GPC5: variants seen among roughly 807,000 people sequenced by gnomAD.
GPC5 encodes glypican-5.
GPC5 carries 47 observed loss-of-function variants against 53.9 expected under a neutral mutation model. The ratio of observed to expected loss-of-function variants is 0.87; its 90% confidence interval spans 0.69 to 1.11. The LOEUF (loss-of-function observed/expected upper bound fraction) is 1.11, where lower values mean the gene tolerates loss of function less well. Ranked by LOEUF, GPC5 falls within the 50% of genes most tolerant of loss-of-function variation. GPC5 has a pLI of 0.00. For synonymous variants in GPC5, 286 were observed against 263.3 expected (o/e 1.09, Z -0.84); for missense variants, 748 against 713.1 (o/e 1.05, Z -0.56).
chr13:92,857,082 G>A (rs1253764861), intron 7 of GPC5, among the ~76,000 whole-genome samples: 1 of 151,938 alleles, frequency 6.6e-6, no homozygotes, highest in African/African-American at 2.4e-5. Flanking sequence ...AGTATACAAG[G>A]CTACAGTAAC....
chr13:92,159,593 C>CTTTTTTTT (rs71120074), intron 7 of GPC5, among the ~76,000 whole-genome samples: 813 of 57,220 alleles, frequency 0.014, 165 homozygotes, highest in Non-Finnish European at 0.019. Flanking sequence ...TACCAATGTT[C>CTTTTTTTT]TTTTTTTTTT....
chr13:92,172,961 C>A (rs2042081161), intron 7 of GPC5, among the ~76,000 whole-genome samples: 1 of 94,588 alleles, frequency 1.1e-5, no homozygotes, highest in Admixed American at 1.1e-4. Flanking sequence ...TTGACTATAC[C>A]TGTTAACAAT....
intron 7 of GPC5, among the ~76,000 whole-genome samples, chr13:92,474,827 A>C (rs1443302446): frequency 6.6e-6 from 1 of 152,130 alleles, no homozygotes; most frequent in Non-Finnish European, 1.5e-5. Flanking sequence ...ATCTGTTTTA[A>C]CAAAGTGAAG....
At chr13:91,721,063 CCCTTTCTTTCTTTCTTTCTT>C (rs1249789596) in intron 3 of GPC5, among the ~76,000 whole-genome samples, 22 of 147,304 alleles carry the variant, frequency 1.5e-4, no homozygotes, top group Non-Finnish European at 2.2e-4. Flanking sequence ...TTCCTTCCTT[CCCTTTCTTTCTTTCTTTCTT>C]TCTTTCTTTC....
intron 5 of GPC5, among the ~76,000 whole-genome samples, chr13:91,781,800 G>A (rs749786544): frequency 2.3e-4 from 35 of 152,138 alleles, no homozygotes; most frequent in African/African-American, 5.5e-4. Flanking sequence ...TTTAATCTTC[G>A]CAATCTCACT....
intron 5 of GPC5, among the ~76,000 whole-genome samples, chr13:91,771,996 C>A (rs1434745016): frequency 6.6e-6 from 1 of 152,134 alleles, no homozygotes. Flanking sequence ...ACTGTCCTAC[C>A]AGTGGATTGG....
chr13:92,781,785 GCAAA>G (rs1876032143), intron 7 of GPC5, among the ~76,000 whole-genome samples: 1 of 152,094 alleles, frequency 6.6e-6, no homozygotes, highest in African/African-American at 2.4e-5. Flanking sequence ...AAAAATATTT[GCAAA>G]CAGACTGTTC....
chr13:92,645,471 C>T (rs1439917345), intron 7 of GPC5, among the ~76,000 whole-genome samples: 1 of 152,120 alleles, frequency 6.6e-6, no homozygotes, highest in Non-Finnish European at 1.5e-5. Context: ...TTAAATCTAA[C>T]TTTTTTACTT....
At chr13:92,213,543 G>A (rs540161942) in intron 7 of GPC5, among the ~76,000 whole-genome samples, 1 of 152,108 alleles carries the variant, frequency 6.6e-6, no homozygotes, top group Non-Finnish European at 1.5e-5. Flanking sequence ...TTCTGCCTTT[G>A]CCCCTGAAAT....
chr13:92,610,590 A>C (rs539646432), intron 7 of GPC5, among the ~76,000 whole-genome samples: 2 of 152,326 alleles, frequency 1.3e-5, no homozygotes, highest in Admixed American at 1.3e-4. Context: ...AATTAAGATT[A>C]ATCTCTTTAT....
At chr13:92,740,147 G>C (rs556618637) in intron 7 of GPC5, among the ~76,000 whole-genome samples, 18 of 152,046 alleles carry the variant, frequency 1.2e-4, no homozygotes, top group Middle Eastern at 3.4e-3. Context: ...GGCATTTGCA[G>C]TTGGTGTACC....
intron 2 of GPC5, among the ~76,000 whole-genome samples, chr13:91,525,075 G>C (rs942313475): frequency 6.6e-6 from 1 of 152,144 alleles, no homozygotes; most frequent in Non-Finnish European, 1.5e-5. Context: ...TAGACACAAT[G>C]TCCTCTTTTG....
At chr13:91,402,242 C>G (rs546574885) in intron 1 of GPC5, among the ~76,000 whole-genome samples, 1 of 152,270 alleles carries the variant, frequency 6.6e-6, no homozygotes, top group South Asian at 2.1e-4. Context: ...AGCAAGTATA[C>G]TCTCGATATC....
chr13:91,442,939 A>G (rs1362109385), intron 1 of GPC5, among the ~76,000 whole-genome samples: 1 of 152,192 alleles, frequency 6.6e-6, no homozygotes, highest in African/African-American at 2.4e-5. Flanking sequence ...TCATATCCAA[A>G]AGGAAGGATA....
intron 7 of GPC5, among the ~76,000 whole-genome samples, chr13:92,512,230 TTGTA>T (rs888174048): frequency 1.7e-5 from 2 of 118,824 alleles, no homozygotes; most frequent in African/African-American, 5.6e-5. Flanking sequence ...ATTTTGTAGA[TTGTA>T]TGTGTGTGTG....
At chr13:92,355,328 GTTA>G (rs1440430549) in intron 7 of GPC5, among the ~76,000 whole-genome samples, 3 of 151,324 alleles carry the variant, frequency 2.0e-5, no homozygotes, top group Non-Finnish European at 4.4e-5. Context: ...TATATTTTAA[GTTA>G]TCTGAGGAAA....
At chr13:91,692,831 AG>A (rs1427305566) in intron 2 of GPC5, among the ~76,000 whole-genome samples, 5 of 152,174 alleles carry the variant, frequency 3.3e-5, no homozygotes, top group African/African-American at 1.2e-4. Flanking sequence ...TTTAATAGAG[AG>A]GGGGTTTCCC....
At chr13:91,621,023 A>G (rs912025631) in intron 2 of GPC5, among the ~76,000 whole-genome samples, 3 of 152,162 alleles carry the variant, frequency 2.0e-5, no homozygotes, top group Non-Finnish European at 2.9e-5. Context: ...GTCCACAGCC[A>G]GAATTATCTA....
chr13:92,026,390 T>A (rs2040800989), intron 6 of GPC5, among the ~76,000 whole-genome samples: 1 of 151,728 alleles, frequency 6.6e-6, no homozygotes, highest in African/African-American at 2.4e-5. Flanking sequence ...TCAATACTTT[T>A]ACTAAGGTAA....
Sources: allele counts gnomAD v4.1 joint callset (sites outside exome capture counted in the v4.1 genomes callset), GRCh38; gene constraint gnomAD v4.1.1; transcripts MANE v1.5; gene names NCBI Gene and HGNC (gene_info 2026-07-23, HGNC 2026-07-21).